SMYD3: variants seen among roughly 807,000 people sequenced by gnomAD.
SMYD3 encodes SET and MYND domain containing 3, also known as histone-lysine N-methyltransferase SMYD3.
A neutral mutation model predicts 57.7 loss-of-function variants in SMYD3; 36 were observed. The ratio of observed to expected loss-of-function variants is 0.62; its 90% CI spans 0.48 to 0.82. The LOEUF (loss-of-function observed/expected upper bound fraction) is 0.82, where lower values mean the gene tolerates loss of function less well. Ranked by LOEUF, SMYD3 falls within the 40% of genes least tolerant of loss-of-function variation. SMYD3 has a pLI of 0.00. For synonymous variants in SMYD3, 211 were observed against 195.0 expected, an observed-to-expected ratio of 1.08 and a Z score of -0.68; for missense variants, 515 against 538.8, an observed-to-expected ratio of 0.96 and a Z score of 0.44.
chr1:246,403,411 T>C (rs1464374250), intron 1 of SMYD3, among the ~76,000 whole-genome samples: 1 of 152,164 alleles, frequency 6.6e-6, no homozygotes, highest in Non-Finnish European at 1.5e-5. Flanking sequence ...GGCAAGAGGA[T>C]TGCTTGAGCC....
intron 10 of SMYD3, among the ~76,000 whole-genome samples, chr1:245,783,593 A>G (rs2046921453): frequency 6.6e-6 from 1 of 152,210 alleles, no homozygotes; most frequent in Admixed American, 6.5e-5. Context: ...TAGAAAGGAA[A>G]AAATAAGCTG....
At chr1:246,273,682 T>C (rs867359819) in intron 5 of SMYD3, among the ~76,000 whole-genome samples, 3 of 148,372 alleles carry the variant, frequency 2.0e-5, no homozygotes, top group African/African-American at 7.4e-5. Flanking sequence ...CCTCCCAGGT[T>C]CAAGCGATTC....
Position 245,845,597 on chromosome 1 carries a change from C to G in SMYD3, c.1076+12899G>C, listed in dbSNP as rs182623563. Among the ~76,000 whole-genome samples, 4 of 152,336 alleles carry G rather than the reference C, an allele frequency of 2.6e-5. No individual in the cohort carries two copies. In the East Asian group the frequency reaches 7.7e-4, roughly 29 times the overall value. On this transcript the variant is annotated intron_variant, in intron 10 of 11. Transcript: ENST00000490107. Reference sequence around the variant, plus strand: ...AGATCCATCTTTTCCTTTTCCAGCTCTCAGACTTCCTCCTAAATGGCTGGC... The same window carrying G: ...AGATCCATCTTTTCCTTTTCCAGCTGTCAGACTTCCTCCTAAATGGCTGGC...
intron 1 of SMYD3, among the ~76,000 whole-genome samples, chr1:246,456,794 GA>G (rs2067705881): frequency 6.6e-6 from 1 of 152,122 alleles, no homozygotes; most frequent in Non-Finnish European, 1.5e-5. Context: ...TGCAAGGTTG[GA>G]AAACTGGAGA....
rs535264171 is a variant in SMYD3 at position 245,874,204 on chromosome 1, C to A, written c.814-10318G>T. Reference sequence around the variant, plus strand: ...ACTGAAGACAACACTCAACATGGTACTACCTTCTGCCAAACCAAGAATTTG... The same window carrying A: ...ACTGAAGACAACACTCAACATGGTAATACCTTCTGCCAAACCAAGAATTTG... On this transcript the variant is annotated intron_variant, in intron 8 of 11. Coordinates refer to ENST00000490107, the MANE Select transcript of SMYD3 (RefSeq NM_001167740.2). Among the ~76,000 whole-genome samples the A allele has an allele frequency of 2.0e-5, 3 of 152,346 alleles. No homozygotes were observed. The South Asian group carries it at 6.2e-4, about 32-fold the overall frequency.
At chr1:246,323,625 G>A (rs972600847) in intron 5 of SMYD3, among the ~76,000 whole-genome samples, 3 of 152,182 alleles carry the variant, frequency 2.0e-5, no homozygotes, top group Admixed American at 6.5e-5. Context: ...CAGGGGAAGT[G>A]CAAGTTTGAT....
chr1:246,333,075 G>A (rs1186649475), intron 3 of SMYD3, among the ~76,000 whole-genome samples: 1 of 152,162 alleles, frequency 6.6e-6, no homozygotes. Flanking sequence ...ACTTTAGGTT[G>A]AAGCCAGTGT....
chr1:245,777,748 A>T (rs2046662957), intron 10 of SMYD3, among the ~76,000 whole-genome samples: 1 of 152,194 alleles, frequency 6.6e-6, no homozygotes, highest in Non-Finnish European at 1.5e-5. Flanking sequence ...CACAAAAAAG[A>T]AGAAAAAGAA....
intron 5 of SMYD3, among the ~76,000 whole-genome samples, chr1:246,255,501 AT>A (rs2063867972): frequency 6.6e-6 from 1 of 151,974 alleles, no homozygotes; most frequent in South Asian, 2.1e-4. Context: ...CATATATTGA[AT>A]CAACTTTCAT....
intron 5 of SMYD3, among the ~76,000 whole-genome samples, chr1:246,056,099 T>C (rs2060146563): frequency 6.6e-6 from 1 of 152,218 alleles, no homozygotes; most frequent in South Asian, 2.1e-4. Flanking sequence ...ATGTTCTCTA[T>C]CTTGATTGTG....
chr1:246,092,225 A>C (rs147460241), intron 5 of SMYD3, among the ~76,000 whole-genome samples: 2,570 of 152,304 alleles, frequency 0.017, 35 homozygotes, highest in Non-Finnish European at 0.024. Context: ...TTTCCAAAGA[A>C]GTGAGGAAAA....
At chr1:245,826,260 A>G (rs2049485989) in intron 10 of SMYD3, among the ~76,000 whole-genome samples, 4 of 151,946 alleles carry the variant, frequency 2.6e-5, no homozygotes, top group South Asian at 4.2e-4. Context: ...TGCCTGCTTT[A>G]GATACTTCAT....
Position 246,369,423 on chromosome 1 carries a change from T to C in SMYD3, c.165-14329A>G, listed in dbSNP as rs188780509. Among the ~76,000 whole-genome samples, 11 of 152,312 alleles carry C rather than the reference T, an allele frequency of 7.2e-5. No individual in the cohort carries two copies. The East Asian group carries it at 1.9e-3, about 27-fold the overall frequency. ...TCAGAATTTTTAAAAATTGAAGTGATTACACCCACCATCCACCTATCAAAT... is the reference window on the plus strand; with the variant it reads ...TCAGAATTTTTAAAAATTGAAGTGACTACACCCACCATCCACCTATCAAAT... On this transcript the variant is annotated intron_variant, in intron 1 of 11. Coordinates refer to ENST00000490107, the MANE Select transcript of SMYD3 (RefSeq NM_001167740.2).
chr1:245,870,404 A>G (rs2052118572), intron 8 of SMYD3, among the ~76,000 whole-genome samples: 2 of 152,106 alleles, frequency 1.3e-5, no homozygotes, highest in African/African-American at 4.8e-5. Context: ...CAATCGCGTC[A>G]AGGGTTATTT....
chr1:245,913,248 A>C (rs1025467833), intron 8 of SMYD3, among the ~76,000 whole-genome samples: 3 of 152,050 alleles, frequency 2.0e-5, no homozygotes, highest in Admixed American at 6.5e-5. Context: ...CATTCTCAGC[A>C]AACTATCGCA....
chr1:245,957,270 G>A (rs750418516), intron 5 of SMYD3, among the ~76,000 whole-genome samples: 35 of 152,274 alleles, frequency 2.3e-4, no homozygotes, highest in Admixed American at 6.5e-4. Flanking sequence ...GCTAAAAAAA[G>A]AAAGACCATC....
At chr1:246,456,501 C>A (rs2067701550) in intron 1 of SMYD3, among the ~76,000 whole-genome samples, 1 of 152,162 alleles carries the variant, frequency 6.6e-6, no homozygotes, top group South Asian at 2.1e-4. Context: ...TGTAACATAC[C>A]TACTCATCCA....
chr1:246,043,294 C>T (rs12068913), intron 5 of SMYD3, among the ~76,000 whole-genome samples: 70,747 of 152,092 alleles, frequency 0.47, 17,909 homozygotes, highest in East Asian at 0.8. Context: ...CTAATATTTA[C>T]TGAGCACACA....
In SMYD3 at chr1:245,911,496, C is replaced by CATATAT. The variant is rs34832589; in HGVS notation, c.813+4028_813+4033dup. ...CATCAATAAGTAAAAAAAAAAATGC[C>CATATAT]ATATATATATATATACACACACATA... On this transcript the variant is annotated intron_variant, in intron 8 of 11. Coordinates refer to ENST00000490107, the MANE Select transcript of SMYD3 (RefSeq NM_001167740.2). Among the ~76,000 whole-genome samples, 1,085 of 149,480 alleles carry CATATAT rather than the reference C, an allele frequency of 7.3e-3. 3 individuals are homozygous for CATATAT. Among genetic ancestry groups the CATATAT allele is most frequent in the East Asian group, 0.013 (66 of 5,048 alleles).
Sources: allele counts gnomAD v4.1 joint callset (sites outside exome capture counted in the v4.1 genomes callset), GRCh38; gene constraint gnomAD v4.1.1; transcripts MANE v1.5; gene names NCBI Gene and HGNC (gene_info 2026-07-23, HGNC 2026-07-21).